Variants in PARD3 observed in about 807,000 individuals in gnomAD.
PARD3 encodes par-3 family cell polarity regulator.
Under a neutral mutation model 155.4 loss-of-function variants are expected in PARD3, and 75 were observed. That is an observed-to-expected ratio of 0.48 (90% CI 0.40 to 0.58). The LOEUF is 0.58. Ranked by LOEUF, PARD3 falls within the 20% of genes least tolerant of loss-of-function variation. The pLI is 0.00. For synonymous variants in PARD3, 576 were observed against 610.5 expected (o/e 0.94, Z 0.83); for missense variants, 1,642 against 1,721.7 (o/e 0.95, Z 0.82).
intron 2 of PARD3, among the ~76,000 whole-genome samples, chr10:34,676,797 C>A (rs186227760): frequency 3.0e-4 from 45 of 152,268 alleles, no homozygotes; most frequent in African/African-American, 1.1e-3. Context: ...AACACTTAGG[C>A]CACCACCCTC....
At chr10:34,413,512 A>G (rs1225107717) in intron 5 of PARD3, among the ~76,000 whole-genome samples, 1 of 151,874 alleles carries the variant, frequency 6.6e-6, no homozygotes, top group Non-Finnish European at 1.5e-5. Context: ...TCCTATTCAA[A>G]ACCCTGAATC....
intron 19 of PARD3, among the ~76,000 whole-genome samples, chr10:34,329,218 A>G (rs1445027859): frequency 1.3e-5 from 2 of 152,202 alleles, no homozygotes; most frequent in Non-Finnish European, 1.5e-5. Context: ...CCTTATATTC[A>G]TATGTATTCT....
At position 34,381,912 on chromosome 10, in the gene PARD3, CAAAAAAAAAAA is replaced by C. The variant is rs202053812; in HGVS notation, c.1399+617_1399+627del. On this transcript the variant is annotated intron_variant, in intron 9 of 24. Transcript: ENST00000374788. ...TGGGCAACAAAGAAAGGCCCTGTCT[CAAAAAAAAAAA>C]AAAAAAAAAAAAAAAAAAGAAAGAA... Among the ~76,000 whole-genome samples, 153 of 71,884 alleles carry C rather than the reference CAAAAAAAAAAA, an allele frequency of 2.1e-3. 1 individual carries two copies. Among genetic ancestry groups the C allele is most frequent in the African/African-American group, 6.6e-3 (135 of 20,318 alleles). The allele number at this position is 71,884 out of a possible 152,430, so 47.2% of individuals were successfully genotyped here.
At chr10:34,798,705 CA>C (rs55803946) in intron 1 of PARD3, among the ~76,000 whole-genome samples, 85,109 of 114,728 alleles carry the variant, frequency 0.74, 30,020 homozygotes, top group African/African-American at 0.89. Context: ...ACTCTGTCTC[CA>C]AAAAAAAAAA....
At chr10:34,127,735 T>C (rs1947362370) in intron 23 of PARD3, among the ~76,000 whole-genome samples, 1 of 152,226 alleles carries the variant, frequency 6.6e-6, no homozygotes, top group Non-Finnish European at 1.5e-5. Context: ...TGGAACTGTG[T>C]GCATGTGTGT....
At chr10:34,702,537 G>A (rs1468027214) in intron 1 of PARD3, among the ~76,000 whole-genome samples, 2 of 152,178 alleles carry the variant, frequency 1.3e-5, no homozygotes, top group African/African-American at 4.8e-5. Flanking sequence ...GGTCTGGACT[G>A]AGAAACTAGA....
At chr10:34,697,390 A>C (rs1444997921) in intron 1 of PARD3, among the ~76,000 whole-genome samples, 1 of 152,190 alleles carries the variant, frequency 6.6e-6, no homozygotes, top group Non-Finnish European at 1.5e-5. Context: ...TGAAGCAAAG[A>C]TTGGAAGAAG....
intron 22 of PARD3, among the ~76,000 whole-genome samples, chr10:34,195,740 A>G (rs1041996199): frequency 1.3e-5 from 2 of 152,192 alleles, no homozygotes; most frequent in South Asian, 2.1e-4. Context: ...GATGGGCACA[A>G]ACATCCCAAT....
intron 4 of PARD3, among the ~76,000 whole-genome samples, chr10:34,465,720 T>G (rs1413581456): frequency 6.6e-6 from 1 of 151,490 alleles, no homozygotes; most frequent in Non-Finnish European, 1.5e-5. Flanking sequence ...GTTAATTGTT[T>G]AGGGGGAAAT....
chr10:34,467,565 C>T (rs810150), intron 4 of PARD3, among the ~76,000 whole-genome samples: 77,901 of 151,556 alleles, frequency 0.51, 23,644 homozygotes, highest in African/African-American at 0.86. Flanking sequence ...CTGGGCAACA[C>T]AGCAAGACCC....
chr10:34,512,414 A>G (rs2081455903), intron 3 of PARD3, among the ~76,000 whole-genome samples: 1 of 152,112 alleles, frequency 6.6e-6, no homozygotes, highest in Non-Finnish European at 1.5e-5. Context: ...GGCCAGCAGG[A>G]GCATCGTGTT....
intron 12 of PARD3, 86 bp downstream of exon 12, chr10:34,372,412 C>A: frequency 9.9e-7 from 1 of 1,011,538 alleles, no homozygotes; most frequent in South Asian, 1.3e-5. Context: ...AAAGGCAGGA[C>A]AAGTAACTTC....
At chr10:34,376,793 A>G (rs1331080000) in intron 10 of PARD3, among the ~76,000 whole-genome samples, 2 of 152,186 alleles carry the variant, frequency 1.3e-5, no homozygotes, top group Admixed American at 6.5e-5. Context: ...ATATGAAACT[A>G]TAAGAAAAAA....
chr10:34,809,914 TAA>T (rs1843894719), intron 1 of PARD3, among the ~76,000 whole-genome samples: 1 of 152,226 alleles, frequency 6.6e-6, no homozygotes, highest in Admixed American at 6.5e-5. Flanking sequence ...ACTATTTTCT[TAA>T]AAGTTTCAAT....
chr10:34,550,451 T>C (rs552159954), intron 2 of PARD3, among the ~76,000 whole-genome samples: 16 of 152,214 alleles, frequency 1.1e-4, no homozygotes, highest in African/African-American at 3.9e-4. Flanking sequence ...AGCCCAAGTA[T>C]CCTCCTGGCT....
intron 1 of PARD3, among the ~76,000 whole-genome samples, chr10:34,802,787 G>C (rs76393949): frequency 0.015 from 2,335 of 152,176 alleles, 70 homozygotes; most frequent in African/African-American, 0.054. Context: ...GCCTATTCTA[G>C]TGAGACTTAA....
At position 34,360,093 on chromosome 10, in the gene PARD3, A is replaced by C; in HGVS notation, c.1874T>G (p.Ile625Ser). The part of the protein sequence containing the change: ...ADLGIFVKSI[I>S]NGGAASKDGR... Reference sequence around the variant, plus strand: ...CACTTTAGATGCTGCTCCTCCATTAATAATGGACTTGACAAAGATTCCCAA... The same window carrying C: ...CACTTTAGATGCTGCTCCTCCATTACTAATGGACTTGACAAAGATTCCCAA... Residue 625 changes from isoleucine to serine, a missense_variant, in exon 13 of 25, where the codon ATT becomes AGT. Coordinates refer to ENST00000374788, the MANE Select transcript of PARD3 (RefSeq NM_001184785.2). 1 of 1,613,628 alleles carries C rather than the reference A, an allele frequency of 6.2e-7. No homozygotes were observed. The highest frequency in any genetic ancestry group is 8.5e-7 in the Non-Finnish European group (1 of 1,179,528).
intron 2 of PARD3, among the ~76,000 whole-genome samples, chr10:34,653,104 G>T (rs2133073146): frequency 6.6e-6 from 1 of 152,316 alleles, no homozygotes; most frequent in South Asian, 2.1e-4. Flanking sequence ...TTTCAAGGAT[G>T]AGAAAGGTTT....
intron 2 of PARD3, among the ~76,000 whole-genome samples, chr10:34,628,973 C>T (rs576643225): frequency 2.0e-5 from 3 of 152,270 alleles, no homozygotes; most frequent in Non-Finnish European, 4.4e-5. Context: ...AGCCAAATGG[C>T]CTATAAATGG....
Sources: gnomAD v4.1 joint callset for allele counts (sites outside exome capture counted in the v4.1 genomes callset) on GRCh38, gnomAD v4.1.1 for gene constraint, MANE v1.5 for transcripts, NCBI Gene and HGNC (gene_info 2026-07-23, HGNC 2026-07-21) for gene names.